Variants in ATP2B2 observed in about 807,000 individuals in gnomAD.
ATP2B2 encodes plasma membrane calcium-transporting ATPase 2.
Under a neutral mutation model 120.0 loss-of-function variants are expected in ATP2B2, and 15 were observed. The ratio of observed to expected loss-of-function variants is 0.12; its 90% CI spans 0.08 to 0.19. ATP2B2 has a LOEUF of 0.19. ATP2B2 is among the 10% of genes least tolerant of loss of function. The pLI is 1.00. For missense variants in ATP2B2, 1,045 were observed against 1,719.8 expected (o/e 0.61, Z 6.94); for synonymous variants, 694 against 700.3 (o/e 0.99, Z 0.14).
intron 12 of ATP2B2, among the ~76,000 whole-genome samples, chr3:10,371,419 C>T (rs1218522051): frequency 2.0e-5 from 3 of 152,234 alleles, no homozygotes; most frequent in African/African-American, 7.2e-5. Flanking sequence ...ACCAGAAGAA[C>T]CATCCAGCTG....
intron 1 of ATP2B2, among the ~76,000 whole-genome samples, chr3:10,480,889 C>A (rs1283542518): frequency 6.6e-6 from 1 of 152,262 alleles, no homozygotes; most frequent in Non-Finnish European, 1.5e-5. Flanking sequence ...ACATGCAGAG[C>A]TAAAGTCCTC....
In ATP2B2 at chr3:10,324,486, G is replaced by GA. The variant is rs2059830625; in HGVS notation, c.*4327dup. ...TCAGGAGAGCTTGGTTTGGAACTTT[G>GA]AAAAGGCCTGGGGACTTCCTGCTAT... is the stretch of plus-strand genomic sequence containing the variant. On this transcript the variant is annotated 3_prime_UTR_variant, in exon 23 of 23. Transcript: ENST00000360273. The GA allele has an allele frequency of 1.3e-5, 2 of 152,198 alleles. No homozygotes were observed. Among genetic ancestry groups the GA allele is most frequent in the Admixed American group, 1.3e-4 (2 of 15,276 alleles). 9.4% of individuals were successfully genotyped at this position (152,198 alleles called of 1,614,324 possible). A position where few individuals can be genotyped will look rare whatever the true frequency, so the allele number is the denominator to read the frequency against.
chr3:10,600,801 C>T (rs1274640876), intron 2 of ATP2B2, among the ~76,000 whole-genome samples: 1 of 152,164 alleles, frequency 6.6e-6, no homozygotes, highest in Non-Finnish European at 1.5e-5. Context: ...CAACCTTTTC[C>T]CTCCCTGCAG....
intron 1 of ATP2B2, among the ~76,000 whole-genome samples, chr3:10,633,819 G>C (rs1334316473): frequency 1.3e-5 from 2 of 152,178 alleles, no homozygotes; most frequent in Non-Finnish European, 2.9e-5. Flanking sequence ...TGTATTGGCT[G>C]TCCCCCCAAC....
intron 1 of ATP2B2, among the ~76,000 whole-genome samples, chr3:10,466,110 C>T (rs2064728257): frequency 6.6e-6 from 1 of 152,184 alleles, no homozygotes; most frequent in African/African-American, 2.4e-5. Flanking sequence ...TGTTTGCATG[C>T]CCCCCTTGAC....
At position 10,343,049 on chromosome 3, in the gene ATP2B2, C is replaced by T. The variant is rs1168814311; in HGVS notation, c.2704-84G>A. On this transcript the variant is annotated intron_variant, in intron 18 of 22. Transcript: ENST00000360273. The surrounding 1 kb of genome is among the most constrained non-coding windows in gnomAD (Gnocchi z 4.2). ...GGGCGGGCTCATGGTGTAGTGTCCG[C>T]AGGCTCCTGCTGGAGGCTGGAGTCC... 1.0e-5 allele frequency: 15 copies of T among 1,444,342 alleles called. No individual in the cohort carries two copies. The highest frequency in any genetic ancestry group is 1.7e-5 in the Admixed American group (1 of 58,190). 89.5% of individuals were successfully genotyped at this position (1,444,342 alleles called of 1,614,324 possible). A position where few individuals can be genotyped will look rare whatever the true frequency, so the allele number is the denominator to read the frequency against.
At chr3:10,462,293 TG>T in intron 1 of ATP2B2, among the ~76,000 whole-genome samples, 1 of 152,310 alleles carries the variant, frequency 6.6e-6, no homozygotes, top group Middle Eastern at 3.4e-3. Flanking sequence ...CAGCACTATC[TG>T]GGCCACTCTT....
rs147274713 is a variant in ATP2B2 at position 10,589,108 on chromosome 3, G to A, written c.-415+30809C>T. 9.9e-3 allele frequency among the ~76,000 whole-genome samples: 1,510 copies of A among 152,328 alleles called. 22 individuals carry two copies. Among genetic ancestry groups the A allele is most frequent in the African/African-American group, 0.035 (1,452 of 41,566 alleles). On this transcript the variant is annotated intron_variant, in intron 2 of 21. Coordinates refer to the ATP2B2 transcript ENST00000646379. Reference sequence around the variant, plus strand: ...GTCACTGGGAGGACCTGGACCTGTAGGTGGGGATGGGTCAGGGTGGGCCTC... The same window carrying A: ...GTCACTGGGAGGACCTGGACCTGTAAGTGGGGATGGGTCAGGGTGGGCCTC...
At chr3:10,441,164 C>T (rs1288189721) in intron 2 of ATP2B2, among the ~76,000 whole-genome samples, 2 of 152,118 alleles carry the variant, frequency 1.3e-5, no homozygotes, top group African/African-American at 2.4e-5. Flanking sequence ...TCCTTCCTCC[C>T]CCTGGCTACA....
chr3:10,632,085 T>A (rs1452067946), intron 1 of ATP2B2, among the ~76,000 whole-genome samples: 2 of 152,334 alleles, frequency 1.3e-5, no homozygotes, highest in East Asian at 3.9e-4. Context: ...TCTCTGTGCC[T>A]GAGGAGCAGT....
chr3:10,456,929 T>C (rs1034831238), intron 1 of ATP2B2, among the ~76,000 whole-genome samples: 1 of 152,092 alleles, frequency 6.6e-6, no homozygotes, highest in African/African-American at 2.4e-5. Flanking sequence ...CAGCCTGCAG[T>C]TGGGGGTGGA....
intron 2 of ATP2B2, among the ~76,000 whole-genome samples, chr3:10,568,295 A>G (rs183231730): frequency 1.3e-5 from 2 of 152,300 alleles, no homozygotes; most frequent in African/African-American, 2.4e-5. Context: ...TTGCTCATCC[A>G]GTGCCATATT....
At chr3:10,419,073 T>A (rs1016006328) in intron 2 of ATP2B2, among the ~76,000 whole-genome samples, 3 of 152,214 alleles carry the variant, frequency 2.0e-5, no homozygotes, top group Admixed American at 6.5e-5. Flanking sequence ...ATTTCCCTTC[T>A]CAGAGCCACA....
In ATP2B2 at chr3:10,350,384, G is replaced by T. The variant is rs746059327; in HGVS notation, c.2316+14C>A. ...GCGCGTTCCCCTGAGGATGCTTTAC[G>T]TTGGGACACGCACCTCCCCCTTCTC... On this transcript the variant is annotated intron_variant, in intron 15 of 22. Transcript: ENST00000360273. 9.3e-6 allele frequency: 15 copies of T among 1,614,026 alleles called. No homozygotes were observed. The highest frequency in any genetic ancestry group is 3.3e-5 in the Admixed American group (2 of 59,998).
intron 2 of ATP2B2, among the ~76,000 whole-genome samples, chr3:10,606,980 AAGAAAG>A (rs2069102610): frequency 7.2e-5 from 3 of 41,882 alleles, no homozygotes; most frequent in African/African-American, 1.2e-4. Flanking sequence ...GAGAGAGAGA[AAGAAAG>A]AGAGAGAGAG....
chr3:10,370,547 T>C (rs556709010), intron 12 of ATP2B2, among the ~76,000 whole-genome samples: 44 of 152,340 alleles, frequency 2.9e-4, no homozygotes, highest in Non-Finnish European at 5.3e-4. Flanking sequence ...CTGCCTCCCT[T>C]AGCCTGCTGC....
At chr3:10,551,212 T>C (rs2067662544) in intron 2 of ATP2B2, among the ~76,000 whole-genome samples, 1 of 152,222 alleles carries the variant, frequency 6.6e-6, no homozygotes, top group Admixed American at 6.5e-5. Flanking sequence ...TCAGCTCCTA[T>C]TCTTAAGGAG....
intron 2 of ATP2B2, among the ~76,000 whole-genome samples, chr3:10,547,280 C>A (rs993614388): frequency 3.9e-5 from 6 of 152,158 alleles, no homozygotes; most frequent in Admixed American, 3.9e-4. Context: ...TCAGGCAAGT[C>A]CTCTCTCCTC....
intron 1 of ATP2B2, among the ~76,000 whole-genome samples, chr3:10,701,777 A>G (rs764673489): frequency 1.2e-4 from 19 of 152,128 alleles, no homozygotes; most frequent in Non-Finnish European, 2.5e-4. Flanking sequence ...ACTGTTATGT[A>G]TGATGGAAGA....
Sources: allele counts gnomAD v4.1 joint callset (sites outside exome capture counted in the v4.1 genomes callset), GRCh38; gene constraint gnomAD v4.1.1; non-coding constraint Gnocchi (gnomAD v3.1); transcripts MANE v1.5; gene names NCBI Gene and HGNC (gene_info 2026-07-23, HGNC 2026-07-21).